The following GRIA2 variants were observed in gnomAD, a reference collection of about 807,000 sequenced individuals.
The protein encoded by GRIA2 is glutamate ionotropic receptor AMPA type subunit 2.
A neutral mutation model predicts 97.3 loss-of-function variants in GRIA2; 14 were observed. That is an observed-to-expected ratio of 0.14 (90% CI 0.10 to 0.23). GRIA2 has a LOEUF of 0.23. GRIA2 is among the 10% of genes least tolerant of loss of function. The pLI, the probability that GRIA2 is intolerant of heterozygous loss-of-function variation, is 1.00. For missense variants in GRIA2, 558 were observed against 1,069.8 expected (o/e 0.52, Z 6.67); for synonymous variants, 412 against 387.8 (o/e 1.06, Z -0.73).
At chr4:157,289,973 A>G (rs919290800) in intron 2 of GRIA2, among the ~76,000 whole-genome samples, 10 of 151,754 alleles carry the variant, frequency 6.6e-5, no homozygotes, top group African/African-American at 2.4e-4. Flanking sequence ...CCCTACTGTC[A>G]CTATCTGTGT....
At chr4:157,280,786 A>G (rs1303767471) in intron 2 of GRIA2, among the ~76,000 whole-genome samples, 1 of 151,982 alleles carries the variant, frequency 6.6e-6, no homozygotes, top group Non-Finnish European at 1.5e-5. Context: ...ATTAAGTCAC[A>G]CAGTCGTAAC....
intron 12 of GRIA2, among the ~76,000 whole-genome samples, chr4:157,348,902 G>T (rs904248271): frequency 3.3e-5 from 5 of 152,264 alleles, no homozygotes; most frequent in Non-Finnish European, 5.9e-5. Context: ...ATACAAATAT[G>T]AAATATATAA....
At chr4:157,258,455 C>T (rs1731380981) in intron 2 of GRIA2, among the ~76,000 whole-genome samples, 1 of 152,026 alleles carries the variant, frequency 6.6e-6, no homozygotes, top group African/African-American at 2.4e-5. Context: ...GAAATTCCCA[C>T]CTAATAAATT....
intron 12 of GRIA2, among the ~76,000 whole-genome samples, chr4:157,355,528 C>CAA (rs200295414): frequency 2.1e-3 from 250 of 121,046 alleles, no homozygotes; most frequent in Non-Finnish European, 3.0e-3. Context: ...GACTTCATGT[C>CAA]AAAAAAAAAA....
intron 2 of GRIA2, among the ~76,000 whole-genome samples, chr4:157,287,272 C>A (rs1277315445): frequency 2.0e-5 from 3 of 151,678 alleles, no homozygotes; most frequent in Admixed American, 6.6e-5. Flanking sequence ...TAGTTCCTTA[C>A]TGAATGCTTA....
At chr4:157,340,294 G>A (rs889259711) in intron 11 of GRIA2, among the ~76,000 whole-genome samples, 4 of 151,826 alleles carry the variant, frequency 2.6e-5, no homozygotes, top group African/African-American at 9.7e-5. Context: ...ACAGAGAAAC[G>A]GTTAGTTTTA....
chr4:157,354,618 T>C (rs1736166287), intron 12 of GRIA2, among the ~76,000 whole-genome samples: 1 of 152,132 alleles, frequency 6.6e-6, no homozygotes, highest in African/African-American at 2.4e-5. Flanking sequence ...CTCATCAAAA[T>C]GTGATGGCAG....
intron 2 of GRIA2, among the ~76,000 whole-genome samples, chr4:157,225,827 A>G (rs1729719789): frequency 6.6e-6 from 1 of 151,926 alleles, no homozygotes; most frequent in Non-Finnish European, 1.5e-5. Flanking sequence ...TGAAAATAGT[A>G]ACTTTCATAT....
chr4:157,278,422 C>CA, intron 2 of GRIA2, among the ~76,000 whole-genome samples: 1 of 151,728 alleles, frequency 6.6e-6, no homozygotes, highest in East Asian at 1.9e-4. Flanking sequence ...TATTCAAAAA[C>CA]AAAAAAAGAA....
intron 2 of GRIA2, among the ~76,000 whole-genome samples, chr4:157,298,410 A>C (rs1579342479): frequency 6.6e-6 from 1 of 152,238 alleles, no homozygotes; most frequent in African/African-American, 2.4e-5. Context: ...GAAGGTCATT[A>C]TTCTGAACTA....
Position 157,251,346 on chromosome 4 carries a change from T to TA in GRIA2, c.229+29541dup, listed in dbSNP as rs1187960024. On this transcript the variant is annotated intron_variant, in intron 2 of 15. Transcript: ENST00000264426. ...GTGGCTTATTATAAGAGAAGCAGTATAATACTAGTGTCCTGGAAAGGGCAG... is the reference window on the plus strand; with the variant it reads ...GTGGCTTATTATAAGAGAAGCAGTATAAATACTAGTGTCCTGGAAAGGGCAG... 2.4e-4 allele frequency among the ~76,000 whole-genome samples: 36 copies of TA among 152,206 alleles called. 1 individual carries two copies. Among genetic ancestry groups the TA allele is most frequent in the Middle Eastern group, 3.4e-3 (1 of 294 alleles).
intron 4 of GRIA2, among the ~76,000 whole-genome samples, chr4:157,315,833 T>C (rs1734295777): frequency 6.6e-6 from 1 of 152,112 alleles, no homozygotes; most frequent in African/African-American, 2.4e-5. Context: ...ACTATGGGTA[T>C]TTTATTATCA....
intron 2 of GRIA2, among the ~76,000 whole-genome samples, chr4:157,296,623 T>G (rs910457429): frequency 1.3e-5 from 2 of 152,082 alleles, no homozygotes; most frequent in Non-Finnish European, 2.9e-5. Flanking sequence ...TTCAATAGAT[T>G]AGGAAGCATG....
At chr4:157,315,711 T>A (rs1273598695) in intron 4 of GRIA2, among the ~76,000 whole-genome samples, 1 of 152,104 alleles carries the variant, frequency 6.6e-6, no homozygotes, top group African/African-American at 2.4e-5. Flanking sequence ...AGCTAATTTT[T>A]GTAATTTTTA....
chr4:157,225,688 T>C (rs2126678732), intron 2 of GRIA2, among the ~76,000 whole-genome samples: 1 of 151,560 alleles, frequency 6.6e-6, no homozygotes. Flanking sequence ...CTTGTAGGCC[T>C]TCATGCCTTT....
chr4:157,234,303 A>T (rs1036072478), intron 2 of GRIA2, among the ~76,000 whole-genome samples: 12 of 152,098 alleles, frequency 7.9e-5, no homozygotes, highest in South Asian at 2.1e-4. Context: ...GAAGGTAGCT[A>T]ATAGTTTTCT....
intron 2 of GRIA2, among the ~76,000 whole-genome samples, chr4:157,237,188 A>G (rs1278184817): frequency 1.3e-5 from 2 of 152,158 alleles, no homozygotes; most frequent in African/African-American, 4.8e-5. Flanking sequence ...TGTGATTAAC[A>G]AAACCTACAG....
chr4:157,285,282 G>T (rs962750577), intron 2 of GRIA2, among the ~76,000 whole-genome samples: 3 of 151,382 alleles, frequency 2.0e-5, no homozygotes, highest in Non-Finnish European at 3.0e-5. Context: ...CTGATTCATA[G>T]TTCTTTAGAT....
At position 157,361,112 on chromosome 4, in the gene GRIA2, A is replaced by C; in HGVS notation, c.2394A>C (p.Gly798=). 2 of 1,609,928 alleles carry C rather than the reference A, an allele frequency of 1.2e-6. No homozygotes were observed. The highest frequency in any genetic ancestry group is 4.5e-5 in the East Asian group (2 of 44,792). The change falls in exon 14 of 16, where the codon GGA becomes GGC. Residue 798 remains glycine (G), a synonymous_variant. Transcript: ENST00000264426. This position sits in a 1 kb window ranked among gnomAD's most constrained non-coding sequence, Gnocchi z 5.2. ...ACAAAGGAGAGTGCGGCAGCGGGGG[A>C]GGTGATTCCAAGGTCAGCCCCAGTG... ...WYDKGECGSG[G]GDSKEKTSAL... is the part of the protein sequence containing the mutation.
Sources: allele counts gnomAD v4.1 joint callset (sites outside exome capture counted in the v4.1 genomes callset), GRCh38; gene constraint gnomAD v4.1.1; non-coding constraint Gnocchi (gnomAD v3.1); transcripts MANE v1.5; gene names NCBI Gene and HGNC (gene_info 2026-07-23, HGNC 2026-07-21).